The following SPOCK3 variants were observed in gnomAD, a reference collection of about 807,000 sequenced individuals.
SPOCK3 encodes the protein SPARC (osteonectin), cwcv and kazal like domains proteoglycan 3.
SPOCK3 carries 30 observed loss-of-function variants against 56.6 expected under a neutral mutation model. The observed-to-expected ratio is 0.53, with a 90% CI of 0.40 to 0.72. SPOCK3 has a LOEUF of 0.72. Ranked by LOEUF, SPOCK3 falls within the 30% of genes least tolerant of loss-of-function variation. The probability of loss-of-function intolerance (pLI) is 0.00; values close to 1 mark genes in which losing one functional copy is unlikely to be tolerated. For missense variants in SPOCK3, 527 were observed against 530.0 expected (o/e 0.99, Z 0.06); for synonymous variants, 196 against 183.3 (o/e 1.07, Z -0.56).
intron 9 of SPOCK3, among the ~76,000 whole-genome samples, chr4:166,738,664 C>G (rs1234240438): frequency 5.9e-5 from 8 of 134,742 alleles, no homozygotes; most frequent in Non-Finnish European, 1.1e-4. Flanking sequence ...GTTCCCCTTC[C>G]TGTGTCCATG....
In SPOCK3 at chr4:167,141,253, TA is replaced by T. The variant is rs369725782; in HGVS notation, c.190-78717del. ...GCTCATATGAGATGTTGTACAGTCATAAAAAAAAGGTTTTGGACCTCAGCCT... is the reference window on the plus strand; with the variant it reads ...GCTCATATGAGATGTTGTACAGTCATAAAAAAAGGTTTTGGACCTCAGCCT... On this transcript the variant is annotated intron_variant, in intron 2 of 10. Transcript: ENST00000357545. Among the ~76,000 whole-genome samples the T allele has an allele frequency of 6.3e-3, 963 of 151,846 alleles. 7 individuals are homozygous for T. The highest frequency in any genetic ancestry group is 0.022 in the African/African-American group (898 of 41,454).
intron 2 of SPOCK3, among the ~76,000 whole-genome samples, chr4:167,081,647 C>T (rs914435742): frequency 6.6e-6 from 1 of 151,996 alleles, no homozygotes; most frequent in Non-Finnish European, 1.5e-5. Context: ...CAAATGGGAA[C>T]TCTGTGAATG....
intron 2 of SPOCK3, among the ~76,000 whole-genome samples, chr4:167,156,339 C>T (rs562590674): frequency 4.6e-5 from 7 of 152,234 alleles, no homozygotes; most frequent in Non-Finnish European, 8.8e-5. Context: ...TCCATAAAAA[C>T]GCAGGGATGC....
At chr4:167,037,494 GA>G (rs34198420) in intron 3 of SPOCK3, among the ~76,000 whole-genome samples, 25,810 of 141,702 alleles carry the variant, frequency 0.18, 2,354 homozygotes, top group Middle Eastern at 0.29. Context: ...AAAAGAAGAA[GA>G]AAAAAAAAAA....
chr4:167,176,061 A>C (rs1730955728), intron 2 of SPOCK3, among the ~76,000 whole-genome samples: 1 of 151,868 alleles, frequency 6.6e-6, no homozygotes, highest in African/African-American at 2.4e-5. Flanking sequence ...TGCTTTTTTT[A>C]GTTTCTAGAG....
chr4:166,872,529 A>C (rs1247636638), intron 6 of SPOCK3, among the ~76,000 whole-genome samples: 3 of 152,180 alleles, frequency 2.0e-5, no homozygotes, highest in African/African-American at 7.2e-5. Context: ...ACGGTTGCCA[A>C]AACTTGGAAG....
chr4:167,179,815 A>C (rs1001860463), intron 2 of SPOCK3, among the ~76,000 whole-genome samples: 4 of 152,212 alleles, frequency 2.6e-5, no homozygotes, highest in South Asian at 2.1e-4. Flanking sequence ...AGAACTAAGA[A>C]GAAATCTTTC....
At position 167,109,380 on chromosome 4, in the gene SPOCK3, A is replaced by AT. The variant is rs754450508; in HGVS notation, c.190-46844_190-46843insA. Among the ~76,000 whole-genome samples, 4 of 25,712 alleles carry AT rather than the reference A, an allele frequency of 1.6e-4. 1 individual carries two copies. Among genetic ancestry groups the AT allele is most frequent in the East Asian group, 3.0e-3 (1 of 330 alleles). The allele number at this position is 25,712 out of a possible 152,430, so 16.9% of individuals were successfully genotyped here. A position where few individuals can be genotyped will look rare whatever the true frequency, so the allele number is the denominator to read the frequency against. ...TATATATTTATATATATATTTATAT[A>AT]AAATATATAAATATATATTTATATA... On this transcript the variant is annotated intron_variant, in intron 2 of 10. Transcript: ENST00000357545.
chr4:166,860,802 C>CATATATATATATACATAT (rs1553989683), intron 6 of SPOCK3, among the ~76,000 whole-genome samples: 1 of 101,938 alleles, frequency 9.8e-6, no homozygotes, highest in Non-Finnish European at 2.0e-5. Context: ...CACACAAATT[C>CATATATATATATACATAT]ATATATATAT....
At chr4:166,866,817 T>C (rs1731894269) in intron 6 of SPOCK3, among the ~76,000 whole-genome samples, 1 of 152,064 alleles carries the variant, frequency 6.6e-6, no homozygotes, top group African/African-American at 2.4e-5. Flanking sequence ...CTATTGAAAA[T>C]CATTTTTAAT....
intron 5 of SPOCK3, among the ~76,000 whole-genome samples, chr4:166,894,717 C>T (rs7692011): frequency 0.026 from 4,024 of 152,008 alleles, 194 homozygotes; most frequent in African/African-American, 0.091. Context: ...GGAGAACTTC[C>T]GGGAAAAAAA....
chr4:166,767,408 C>A (rs1738241869), intron 7 of SPOCK3, among the ~76,000 whole-genome samples: 1 of 151,966 alleles, frequency 6.6e-6, no homozygotes, highest in Non-Finnish European at 1.5e-5. Context: ...TCACTGGTTT[C>A]AAAGAACATC....
At chr4:166,786,883 A>T (rs1368240326) in intron 7 of SPOCK3, among the ~76,000 whole-genome samples, 1 of 152,266 alleles carries the variant, frequency 6.6e-6, no homozygotes, top group East Asian at 1.9e-4. Flanking sequence ...AAGACTTTGC[A>T]GGGAAACGGA....
At chr4:167,118,228 C>T (rs1455289208) in intron 2 of SPOCK3, among the ~76,000 whole-genome samples, 1 of 152,070 alleles carries the variant, frequency 6.6e-6, no homozygotes, top group African/African-American at 2.4e-5. Flanking sequence ...AAGTAAACAA[C>T]CTAGATCCGG....
At chr4:167,089,837 T>G (rs1231249404) in intron 2 of SPOCK3, among the ~76,000 whole-genome samples, 1 of 152,126 alleles carries the variant, frequency 6.6e-6, no homozygotes, top group Non-Finnish European at 1.5e-5. Context: ...TCTGTTTTCT[T>G]CCCCCAGTGA....
chr4:167,116,912 TG>T (rs1189153031), intron 2 of SPOCK3, among the ~76,000 whole-genome samples: 3 of 138,420 alleles, frequency 2.2e-5, no homozygotes, highest in Non-Finnish European at 4.6e-5. Context: ...TGTGTGTGTG[TG>T]TATATATATA....
intron 4 of SPOCK3, among the ~76,000 whole-genome samples, chr4:166,935,726 A>G (rs985594998): frequency 6.6e-6 from 1 of 152,194 alleles, no homozygotes; most frequent in Non-Finnish European, 1.5e-5. Flanking sequence ...CAAAAGTACA[A>G]TAAAACAAGG....
intron 5 of SPOCK3, among the ~76,000 whole-genome samples, chr4:166,891,686 T>G (rs1734803316): frequency 6.6e-6 from 1 of 151,984 alleles, no homozygotes; most frequent in Non-Finnish European, 1.5e-5. Context: ...ATTATGAATG[T>G]TTTAATGAAA....
In SPOCK3 at chr4:167,065,452, T is replaced by C. The variant is rs570241967; in HGVS notation, c.190-2915A>G. Among the ~76,000 whole-genome samples, 29 of 152,006 alleles carry C rather than the reference T, an allele frequency of 1.9e-4. No homozygotes were observed. The East Asian group carries it at 5.4e-3, about 29-fold the overall frequency. ...ATGATCTTCCTTCAGAATAATATGG[T>C]CAAGCTTGGTTCGTTTGGGACCACA... is the stretch of plus-strand genomic sequence containing the variant. On this transcript the variant is annotated intron_variant, in intron 2 of 10. Transcript: ENST00000357545.
Sources: gnomAD v4.1 joint callset for allele counts (sites outside exome capture counted in the v4.1 genomes callset) on GRCh38, gnomAD v4.1.1 for gene constraint, MANE v1.5 for transcripts, NCBI Gene and HGNC (gene_info 2026-07-23, HGNC 2026-07-21) for gene names.